ROR1: variants seen among roughly 807,000 people sequenced by gnomAD.
ROR1 encodes the protein inactive tyrosine-protein kinase transmembrane receptor ROR1.
ROR1 carries 19 observed loss-of-function variants against 78.8 expected under a neutral mutation model. The ratio of observed to expected loss-of-function variants is 0.24; its 90% confidence interval spans 0.17 to 0.35. The LOEUF is 0.35. Ranked by LOEUF, ROR1 falls within the 10% of genes least tolerant of loss-of-function variation. The pLI is 1.00. For missense variants in ROR1, 917 were observed against 1,177.8 expected, an observed-to-expected ratio of 0.78 and a Z score of 3.24; for synonymous variants, 386 against 433.6, an observed-to-expected ratio of 0.89 and a Z score of 1.36.
chr1:64,075,423 C>T (rs573784719), intron 4 of ROR1, among the ~76,000 whole-genome samples: 3 of 152,238 alleles, frequency 2.0e-5, no homozygotes, highest in Non-Finnish European at 2.9e-5. Context: ...TGTCCTTATA[C>T]GATGTTTCTA....
intron 1 of ROR1, among the ~76,000 whole-genome samples, chr1:63,911,320 C>A (rs1041824322): frequency 5.3e-5 from 8 of 152,102 alleles, no homozygotes; most frequent in Non-Finnish European, 1.0e-4. Context: ...TAGAATGATA[C>A]TCTATCCGTT....
rs142093977 is a variant in ROR1, at chr1:63,938,909, G to T, written c.92-70396G>T. ...GCTACTTGGGAGGCTGAGGTGAGAG[G>T]ATTGCTGGGGCCCAGGAGGTGGAGG... On this transcript the variant is annotated intron_variant, in intron 1 of 8. Transcript: ENST00000371079. Among the ~76,000 whole-genome samples, 655 of 152,250 alleles carry T rather than the reference G, an allele frequency of 4.3e-3. 1 individual carries two copies. The highest frequency in any genetic ancestry group is 0.013 in the African/African-American group (527 of 41,550).
chr1:64,154,911 A>G (rs761948754), intron 7 of ROR1, among the ~76,000 whole-genome samples: 2 of 152,214 alleles, frequency 1.3e-5, no homozygotes, highest in Admixed American at 6.5e-5. Context: ...AATAATGTCC[A>G]TTGTTCCAAA....
At chr1:64,170,055 C>G (rs907832477) in intron 8 of ROR1, among the ~76,000 whole-genome samples, 1 of 152,174 alleles carries the variant, frequency 6.6e-6, no homozygotes, top group Non-Finnish European at 1.5e-5. Flanking sequence ...ACAGTGCAAG[C>G]TGTTGGTGGG....
chr1:64,037,945 C>A, intron 2 of ROR1, among the ~76,000 whole-genome samples: 1 of 152,126 alleles, frequency 6.6e-6, no homozygotes, highest in East Asian at 1.9e-4. Flanking sequence ...AGGCCCAATG[C>A]AAGCACCCCC....
At chr1:63,927,680 C>T (rs1179161149) in intron 1 of ROR1, among the ~76,000 whole-genome samples, 1 of 152,074 alleles carries the variant, frequency 6.6e-6, no homozygotes, top group Non-Finnish European at 1.5e-5. Flanking sequence ...TTCATATTCA[C>T]ACCACTAGTA....
intron 1 of ROR1, among the ~76,000 whole-genome samples, chr1:63,918,123 G>T (rs928090232): frequency 6.6e-6 from 1 of 152,192 alleles, no homozygotes; most frequent in Non-Finnish European, 1.5e-5. Flanking sequence ...GGCACCTGCC[G>T]TAAACCAAGC....
rs568206146 is a variant in ROR1, at chr1:63,958,747, G to A, written c.92-50558G>A. 3.3e-5 allele frequency among the ~76,000 whole-genome samples: 5 copies of A among 152,296 alleles called. No individual in the cohort carries two copies. In the South Asian group the frequency reaches 1.0e-3, roughly 32 times the overall value. ...TTACCCTTAGGACCACAAAATAGCT[G>A]CTGGCACTCCATCCATCACATCAAC... is the stretch of plus-strand genomic sequence containing the variant. On this transcript the variant is annotated intron_variant, in intron 1 of 8. Transcript: ENST00000371079.
intron 4 of ROR1, among the ~76,000 whole-genome samples, chr1:64,116,207 G>A (rs1339545906): frequency 6.6e-6 from 1 of 152,192 alleles, no homozygotes; most frequent in African/African-American, 2.4e-5. Flanking sequence ...CATTCCAGCT[G>A]TGGGATGGCT....
chr1:64,056,080 G>A (rs907422997), intron 4 of ROR1, among the ~76,000 whole-genome samples: 2 of 152,118 alleles, frequency 1.3e-5, no homozygotes, highest in African/African-American at 4.8e-5. Flanking sequence ...CCATTTTTCT[G>A]TTGATGGACA....
chr1:63,826,323 T>C (rs1644953265), intron 1 of ROR1, among the ~76,000 whole-genome samples: 1 of 152,186 alleles, frequency 6.6e-6, no homozygotes, highest in South Asian at 2.1e-4. Flanking sequence ...AGCTCCCACT[T>C]ACAAGTGAGG....
At chr1:64,026,285 C>T (rs1646608926) in intron 2 of ROR1, among the ~76,000 whole-genome samples, 1 of 152,164 alleles carries the variant, frequency 6.6e-6, no homozygotes, top group Non-Finnish European at 1.5e-5. Context: ...ATTACTTGAT[C>T]ACTTTGAGCT....
chr1:64,111,313 G>C (rs1230331435), intron 4 of ROR1: 1 of 152,124 alleles, frequency 6.6e-6, no homozygotes, highest in African/African-American at 2.4e-5. Flanking sequence ...GCAATAGCTC[G>C]ACAGCACAGG....
At chr1:63,885,807 C>T (rs1458591469) in intron 1 of ROR1, among the ~76,000 whole-genome samples, 1 of 152,140 alleles carries the variant, frequency 6.6e-6, no homozygotes, top group African/African-American at 2.4e-5. Flanking sequence ...GATCAGTGGT[C>T]CCCAACCTTT....
chr1:63,915,254 A>G (rs1645600220), intron 1 of ROR1, among the ~76,000 whole-genome samples: 1 of 152,210 alleles, frequency 6.6e-6, no homozygotes, highest in South Asian at 2.1e-4. Context: ...TGGGCAATGC[A>G]GACGTGAGGG....
intron 5 of ROR1, 122 bp downstream of exon 5, chr1:64,137,618 T>TA: frequency 1.2e-6 from 1 of 856,058 alleles, no homozygotes; most frequent in East Asian, 2.7e-5. Context: ...AGCAGGACCA[T>TA]AAAAAAGCAT....
At chr1:64,047,832 A>G (rs1646796847) in intron 2 of ROR1, among the ~76,000 whole-genome samples, 1 of 152,248 alleles carries the variant, frequency 6.6e-6, no homozygotes, top group Admixed American at 6.5e-5. Context: ...TAGGAAGCAA[A>G]GCATTAGCAA....
chr1:63,835,348 C>G (rs912325274), intron 1 of ROR1, among the ~76,000 whole-genome samples: 3 of 152,124 alleles, frequency 2.0e-5, no homozygotes, highest in African/African-American at 7.2e-5. Flanking sequence ...CACACCTTAC[C>G]AATTACTTTT....
At chr1:64,013,833 C>T (rs1481423537) in intron 2 of ROR1, among the ~76,000 whole-genome samples, 2 of 152,222 alleles carry the variant, frequency 1.3e-5, no homozygotes, top group Non-Finnish European at 2.9e-5. Flanking sequence ...TCAGGGTTTG[C>T]CTTATCTATT....
Sources: allele counts gnomAD v4.1 joint callset (sites outside exome capture counted in the v4.1 genomes callset), GRCh38; gene constraint gnomAD v4.1.1; transcripts MANE v1.5; gene names NCBI Gene and HGNC (gene_info 2026-07-23, HGNC 2026-07-21).